Variants in GLG1 observed in about 807,000 individuals in gnomAD.
GLG1 encodes the protein golgi glycoprotein 1.
A neutral mutation model predicts 160.5 loss-of-function variants in GLG1; 38 were observed. The ratio of observed to expected loss-of-function variants is 0.24; its 90% CI spans 0.18 to 0.31. GLG1 has a LOEUF of 0.31. Ranked by LOEUF, GLG1 falls within the 10% of genes least tolerant of loss-of-function variation. The probability of loss-of-function intolerance (pLI) is 1.00; values close to 1 mark genes in which losing one functional copy is unlikely to be tolerated. For missense variants in GLG1, 1,373 were observed against 1,505.2 expected (o/e 0.91, Z 1.45); for synonymous variants, 644 against 543.4 (o/e 1.19, Z -2.57).
In GLG1 at chr16:74,606,966, C is replaced by G. The variant is rs1164245731; in HGVS notation, c.129G>C (p.Gly43=). 2.5e-6 allele frequency: 4 copies of G among 1,608,348 alleles called. No individual in the cohort carries two copies. The African/African-American group carries it at 5.3e-5, about 21-fold the overall frequency. Residue 43 remains glycine, a synonymous_variant, in exon 1 of 26, where the codon GGG becomes GGC. Coordinates refer to ENST00000422840, the MANE Select transcript of GLG1 (RefSeq NM_001145667.2). ...QGVHSQGQGP[G]ANFVSFVGQA... is the part of the protein sequence containing the mutation. ...GCCCTACGAAGGACACAAAGTTGGC[C>G]CCGGGACCCTGGCCCTGGCTGTGGA...
Position 74,465,825 on chromosome 16 carries a change from G to T in GLG1, c.2530-12C>A. The T allele has an allele frequency of 6.2e-7, 1 of 1,612,882 alleles. No homozygotes were observed. The highest frequency in any genetic ancestry group is 1.1e-5 in the South Asian group (1 of 91,064). ...AGACATTCGATAATCTATGGCAAAA[G>T]AGTTATAGTCAAGTTGAGAGATGTC... On this transcript the variant is annotated splice_polypyrimidine_tract_variant and intron_variant, in intron 18 of 25. Coordinates refer to ENST00000422840, the MANE Select transcript of GLG1 (RefSeq NM_001145667.2).
rs2016493544 is a variant in GLG1 at position 74,503,593 on chromosome 16, T to C, written c.712A>G (p.Met238Val). 6.2e-7 allele frequency: 1 copy of C among 1,614,026 alleles called. No individual in the cohort carries two copies. Among genetic ancestry groups the C allele is most frequent in the Non-Finnish European group, 8.5e-7 (1 of 1,179,886 alleles). The change falls in exon 4 of 26, where the codon ATG becomes GTG. Residue 238 changes from methionine (M) to valine (V), a missense_variant. Met to Val is a conservative substitution (Grantham distance 21). Around this residue, in one of 4 missense-constraint regions of GLG1, gnomAD observed 174 missense variants for 229.9 expected, o/e 0.76. Coordinates refer to ENST00000422840, the MANE Select transcript of GLG1 (RefSeq NM_001145667.2). Reference protein sequence around the residue: ...FSDYRLICGFMDDCKNDINIL... With the variant: ...FSDYRLICGFVDDCKNDINIL... ...TTGATGTCATTTTTGCAGTCATCCA[T>C]GAAGCCACAGATTAAACGGTAATCA...
chr16:74,606,888 T>A lies in GLG1; in HGVS notation c.207A>T (p.Ser69=), dbSNP rs1197451016. The change falls in exon 1 of 26, where the codon TCA becomes TCT. Residue 69 remains serine, a synonymous_variant. Coordinates refer to ENST00000422840, the MANE Select transcript of GLG1 (RefSeq NM_001145667.2). ...AGQQLPQLPQ[S]SQLQQQQQQQ... ...GCTGCTGTTGCTGCTGAAGCTGCGA[T>A]GACTGAGGCAGCTGGGGCAGCTGCT... 2 of 1,601,956 alleles carry A rather than the reference T, an allele frequency of 1.2e-6. No individual in the cohort carries two copies. The highest frequency in any genetic ancestry group is 2.3e-5 in the East Asian group (1 of 44,398).
intron 1 of GLG1, among the ~76,000 whole-genome samples, chr16:74,537,350 A>T (rs2017713213): frequency 6.6e-6 from 1 of 152,194 alleles, no homozygotes; most frequent in Non-Finnish European, 1.5e-5. Flanking sequence ...GTATCAGGAA[A>T]TGGTTAAAAA....
chr16:74,553,833 C>T (rs1176300835), intron 1 of GLG1, among the ~76,000 whole-genome samples: 1 of 152,180 alleles, frequency 6.6e-6, no homozygotes, highest in African/African-American at 2.4e-5. Flanking sequence ...TTATTGTATT[C>T]TGCTATCATT....
intron 2 of GLG1, among the ~76,000 whole-genome samples, chr16:74,522,399 C>T (rs78144376): frequency 0.011 from 1,645 of 152,288 alleles, 29 homozygotes; most frequent in African/African-American, 0.037. Flanking sequence ...CACAGATACT[C>T]GGTATTGGCA....
chr16:74,520,629 T>A (rs1030955460), intron 2 of GLG1, among the ~76,000 whole-genome samples: 1 of 152,006 alleles, frequency 6.6e-6, no homozygotes, highest in Non-Finnish European at 1.5e-5. Context: ...AGAGCGAAAC[T>A]CCATCTCAAA....
intron 1 of GLG1, among the ~76,000 whole-genome samples, chr16:74,583,753 A>G (rs1957988097): frequency 6.6e-6 from 1 of 152,110 alleles, no homozygotes; most frequent in Admixed American, 6.6e-5. Context: ...TCAGGGAGAC[A>G]TATCCAGACT....
At chr16:74,543,614 A>C (rs1454107902) in intron 1 of GLG1, among the ~76,000 whole-genome samples, 1 of 152,154 alleles carries the variant, frequency 6.6e-6, no homozygotes, top group Non-Finnish European at 1.5e-5. Flanking sequence ...GGTAGAAAAA[A>C]GGTATACATC....
chr16:74,498,448 G>GTATATATATATATATGTATATATA (rs2016282218), intron 4 of GLG1, among the ~76,000 whole-genome samples: 1 of 24,038 alleles, frequency 4.2e-5, no homozygotes, highest in Non-Finnish European at 7.7e-5. Context: ...AAAAAAAAAA[G>GTATATATATATATATGTATATATA]TATATATATA....
rs557538428 is a variant in GLG1 at position 74,476,926 on chromosome 16, C to T, written c.1965+470G>A. Reference sequence around the variant, plus strand: ...ATTCATGCAGACCAGTACTCACATACGCACAGATTTACACCCTGCTTATCT... The same window carrying T: ...ATTCATGCAGACCAGTACTCACATATGCACAGATTTACACCCTGCTTATCT... On this transcript the variant is annotated intron_variant, in intron 12 of 25. Coordinates refer to ENST00000422840, the MANE Select transcript of GLG1 (RefSeq NM_001145667.2). Among the ~76,000 whole-genome samples, 11 of 152,192 alleles carry T rather than the reference C, an allele frequency of 7.2e-5. No homozygotes were observed. In the South Asian group the frequency reaches 1.2e-3, roughly 17 times the overall value.
At chr16:74,544,415 G>A (rs575071557) in intron 1 of GLG1, among the ~76,000 whole-genome samples, 1 of 152,180 alleles carries the variant, frequency 6.6e-6, no homozygotes, top group South Asian at 2.1e-4. Context: ...CTAGGTTCAC[G>A]CGAATCTCCT....
intron 1 of GLG1, among the ~76,000 whole-genome samples, chr16:74,532,515 T>G (rs1476308910): frequency 6.6e-6 from 1 of 152,052 alleles, no homozygotes; most frequent in Non-Finnish European, 1.5e-5. Context: ...TCGCTCAATT[T>G]TTATTTATTT....
intron 1 of GLG1, among the ~76,000 whole-genome samples, chr16:74,582,129 T>C (rs1222906705): frequency 6.6e-6 from 1 of 152,086 alleles, no homozygotes; most frequent in Non-Finnish European, 1.5e-5. Flanking sequence ...GGGTGAAAAA[T>C]ATTTTAATAA....
intron 1 of GLG1, among the ~76,000 whole-genome samples, chr16:74,557,925 A>C (rs1237258471): frequency 1.3e-5 from 2 of 152,138 alleles, no homozygotes; most frequent in African/African-American, 4.8e-5. Flanking sequence ...TGAGGGGATA[A>C]TGAGTCCTTT....
chr16:74,453,144 T>G lies in GLG1; in HGVS notation c.*23A>C, dbSNP rs1486441720. The stretch of plus-strand genomic sequence containing the variant: ...TACAAACTGGGCACTGGATAGGTAG[T>G]TCCTTTGGTGGTCAAGGTGGCTCTA... On this transcript the variant is annotated 3_prime_UTR_variant, in exon 26 of 26. Transcript: ENST00000422840. 1 of 1,611,378 alleles carries G rather than the reference T, an allele frequency of 6.2e-7. No homozygotes were observed. Among genetic ancestry groups the G allele is most frequent in the Non-Finnish European group, 8.5e-7 (1 of 1,178,398 alleles).
At chr16:74,567,695 A>G (rs2018697839) in intron 1 of GLG1, among the ~76,000 whole-genome samples, 1 of 150,498 alleles carries the variant, frequency 6.6e-6, no homozygotes. Flanking sequence ...CAGCCTCCCG[A>G]GTAGCTGGGA....
intron 2 of GLG1, among the ~76,000 whole-genome samples, chr16:74,511,595 AAAAAAAAG>A (rs2016808651): frequency 1.3e-5 from 2 of 150,624 alleles, no homozygotes; most frequent in Non-Finnish European, 3.0e-5. Flanking sequence ...TAAAAAAAAA[AAAAAAAAG>A]AAAGAAAGAA....
chr16:74,459,632 GAA>G (rs369180794), intron 23 of GLG1, 48 bp downstream of exon 23: 976 of 762,404 alleles, frequency 1.3e-3, no homozygotes, highest in Admixed American at 1.9e-3. Context: ...AGGAAGAAGA[GAA>G]AAAAAAAAAA....
Sources: gnomAD v4.1 joint callset for allele counts (sites outside exome capture counted in the v4.1 genomes callset) on GRCh38, gnomAD v4.1.1 for gene constraint, gnomAD v4.1.1 regional missense constraint, MANE v1.5 for transcripts, NCBI Gene and HGNC (gene_info 2026-07-23, HGNC 2026-07-21) for gene names.